Variants in CORIN observed in about 807,000 individuals in gnomAD.
CORIN encodes the protein corin, serine peptidase, also known as atrial natriuretic peptide-converting enzyme.
In CORIN, 117 loss-of-function variants were observed where a neutral mutation model predicts 125.3. The ratio of observed to expected loss-of-function variants is 0.93; its 90% confidence interval spans 0.80 to 1.09. The LOEUF (loss-of-function observed/expected upper bound fraction) is 1.09, where lower values mean the gene tolerates loss of function less well. CORIN is among the 50% of genes least tolerant of loss of function. CORIN has a pLI of 0.00. For synonymous variants in CORIN, 450 were observed against 466.4 expected, an observed-to-expected ratio of 0.96 and a Z score of 0.45; for missense variants, 1,253 against 1,306.7, an observed-to-expected ratio of 0.96 and a Z score of 0.63.
chr4:47,661,498 G>A (rs1724248002), intron 12 of CORIN: 1 of 496,592 alleles, frequency 2.0e-6, no homozygotes, highest in East Asian at 3.1e-5. Context: ...AATAGAAAAT[G>A]ACTTCTTTAT....
chr4:47,655,950 C>A (rs966689077), intron 12 of CORIN, among the ~76,000 whole-genome samples: 31 of 150,656 alleles, frequency 2.1e-4, no homozygotes, highest in Non-Finnish European at 7.4e-5. Flanking sequence ...CTACTCCAAA[C>A]AATAGAGGAG....
chr4:47,690,259 A>G (rs188185600), intron 6 of CORIN, among the ~76,000 whole-genome samples: 2 of 152,288 alleles, frequency 1.3e-5, no homozygotes, highest in African/African-American at 4.8e-5. Flanking sequence ...ACGAGCTGAA[A>G]GAAAAAGCAT....
At chr4:47,642,157 T>C in intron 15 of CORIN, 108 bp from the exon 16 acceptor site, 2 of 1,187,786 alleles carry the variant, frequency 1.7e-6, no homozygotes, top group African/African-American at 1.5e-5. Context: ...TTTTCATTTA[T>C]TTTAGTTAAT....
chr4:47,730,718 T>C (rs561047295), intron 5 of CORIN, among the ~76,000 whole-genome samples: 1 of 152,330 alleles, frequency 6.6e-6, no homozygotes, highest in South Asian at 2.1e-4. Flanking sequence ...TTGCTTTCTA[T>C]ATGACTGGTA....
At chr4:47,728,859 C>G (rs1363499620) in intron 5 of CORIN, among the ~76,000 whole-genome samples, 3 of 152,146 alleles carry the variant, frequency 2.0e-5, no homozygotes, top group Non-Finnish European at 4.4e-5. Flanking sequence ...AGCTATCAAC[C>G]TGTAAGCCAA....
chr4:47,704,398 A>G (rs1483159593), intron 5 of CORIN, among the ~76,000 whole-genome samples: 2 of 152,142 alleles, frequency 1.3e-5, no homozygotes, highest in African/African-American at 4.8e-5. Flanking sequence ...CAGGACTCAC[A>G]TGTTCTTTTA....
chr4:47,692,554 T>TAA (rs569436476), intron 6 of CORIN, among the ~76,000 whole-genome samples: 1 of 142,722 alleles, frequency 7.0e-6, no homozygotes, highest in African/African-American at 2.6e-5. Flanking sequence ...GGAAGAAGCA[T>TAA]AAAAAAAAAA....
chr4:47,628,340 C>A (rs566979319), intron 16 of CORIN, among the ~76,000 whole-genome samples: 1 of 151,822 alleles, frequency 6.6e-6, no homozygotes, highest in East Asian at 1.9e-4. Flanking sequence ...AAAAATTGTA[C>A]ATATTTAAGG....
In CORIN at chr4:47,626,086, T is replaced by C. The variant is rs193257567; in HGVS notation, c.2315+319A>G. Among the ~76,000 whole-genome samples, 5 of 152,322 alleles carry C rather than the reference T, an allele frequency of 3.3e-5. No homozygotes were observed. In the East Asian group the frequency reaches 9.6e-4, roughly 29 times the overall value. On this transcript the variant is annotated intron_variant, in intron 17 of 21. Coordinates refer to ENST00000273857, the MANE Select transcript of CORIN (RefSeq NM_006587.4). ...GTTCCCTCTGTTTACTAGTTCTATG[T>C]AGCATCTGCAGGAAATGCAGACATG... is the stretch of plus-strand genomic sequence containing the variant.
chr4:47,673,852 T>A (rs1035976795), intron 10 of CORIN, among the ~76,000 whole-genome samples: 8 of 152,248 alleles, frequency 5.3e-5, no homozygotes, highest in Non-Finnish European at 1.0e-4. Flanking sequence ...GCGCCTGTAA[T>A]CCTAGCTACT....
In CORIN at chr4:47,757,878, G is replaced by GTATATATATATATA. The variant is rs59621469; in HGVS notation, c.617+5487_617+5500dup. Among the ~76,000 whole-genome samples the GTATATATATATATA allele has an allele frequency of 1.7e-3, 214 of 123,880 alleles. 1 individual carries two copies. Among genetic ancestry groups the GTATATATATATATA allele is most frequent in the African/African-American group, 6.4e-3 (195 of 30,538 alleles). 81.3% of individuals were successfully genotyped at this position (123,880 alleles called of 152,430 possible). On this transcript the variant is annotated intron_variant, in intron 4 of 21. Transcript: ENST00000273857. The stretch of plus-strand genomic sequence containing the variant: ...TACACATATATATACATATATATAT[G>GTATATATATATATA]TATATATATATATATATATATATAT...
intron 5 of CORIN, among the ~76,000 whole-genome samples, chr4:47,743,382 G>T (rs1009142702): frequency 6.6e-6 from 1 of 152,058 alleles, no homozygotes; most frequent in Admixed American, 6.5e-5. Context: ...AAGACAAAAA[G>T]ACAGACCATC....
chr4:47,696,145 T>C (rs1218109920), intron 5 of CORIN, among the ~76,000 whole-genome samples: 1 of 152,236 alleles, frequency 6.6e-6, no homozygotes, highest in Non-Finnish European at 1.5e-5. Flanking sequence ...TTCTACTTTT[T>C]TTGAACACCC....
intron 5 of CORIN, among the ~76,000 whole-genome samples, chr4:47,700,588 A>G (rs1726239844): frequency 6.6e-6 from 1 of 152,204 alleles, no homozygotes; most frequent in African/African-American, 2.4e-5. Flanking sequence ...TTCATTCCTC[A>G]GAGAACTGCC....
intron 1 of CORIN, among the ~76,000 whole-genome samples, chr4:47,819,366 A>G (rs114554583): frequency 1.0e-3 from 157 of 152,334 alleles, no homozygotes; most frequent in African/African-American, 3.7e-3. Context: ...AACTAAAAGC[A>G]AACTGAGCAA....
At chr4:47,652,417 T>A (rs1282857696) in intron 13 of CORIN, among the ~76,000 whole-genome samples, 2 of 152,228 alleles carry the variant, frequency 1.3e-5, no homozygotes, top group African/African-American at 4.8e-5. Flanking sequence ...AGAATGAAAT[T>A]ATTTCAAAAG....
intron 5 of CORIN, among the ~76,000 whole-genome samples, chr4:47,738,551 G>A (rs969405884): frequency 5.3e-5 from 8 of 152,112 alleles, no homozygotes; most frequent in African/African-American, 1.9e-4. Flanking sequence ...AATAATTAAA[G>A]CAACAAGAAA....
At chr4:47,614,478 C>T (rs540550900) in intron 19 of CORIN, among the ~76,000 whole-genome samples, 52 of 152,110 alleles carry the variant, frequency 3.4e-4, no homozygotes, top group Non-Finnish European at 6.2e-4. Flanking sequence ...GGATTAGAGG[C>T]GTGAGCCACC....
chr4:47,676,127 A>T (rs1459492275), intron 9 of CORIN, among the ~76,000 whole-genome samples: 1 of 152,006 alleles, frequency 6.6e-6, no homozygotes, highest in African/African-American at 2.4e-5. Context: ...CTTCAGCAAG[A>T]CCCAAAGTCT....
Sources: gnomAD v4.1 joint callset for allele counts (sites outside exome capture counted in the v4.1 genomes callset) on GRCh38, gnomAD v4.1.1 for gene constraint, MANE v1.5 for transcripts, NCBI Gene and HGNC (gene_info 2026-07-23, HGNC 2026-07-21) for gene names.